The following PLCZ1 variants were observed in gnomAD, a reference collection of about 807,000 sequenced individuals.
PLCZ1 encodes 1-phosphatidylinositol 4,5-bisphosphate phosphodiesterase zeta-1.
PLCZ1 carries 64 observed loss-of-function variants against 76.8 expected under a neutral mutation model. The ratio of observed to expected loss-of-function variants is 0.83; its 90% CI spans 0.68 to 1.03. The LOEUF (loss-of-function observed/expected upper bound fraction) is 1.03. Among genes scored for constraint, PLCZ1 ranks in the 50% least tolerant of loss-of-function variants. PLCZ1 has a pLI of 0.00. For synonymous variants in PLCZ1, 248 were observed against 230.8 expected (o/e 1.07, Z -0.68); for missense variants, 751 against 713.7 (o/e 1.05, Z -0.60).
chr12:18,693,906 A>G, intron 12 of PLCZ1: 19 of 1,528,516 alleles, frequency 1.2e-5, no homozygotes, highest in Non-Finnish European at 1.7e-5. Context: ...CTGGCTGATG[A>G]TGTAACCCTG....
intron 12 of PLCZ1, chr12:18,693,702 C>G: frequency 6.4e-7 from 1 of 1,563,778 alleles, no homozygotes. Flanking sequence ...CAGCGAACAA[C>G]GTTGGAACTG....
At chr12:18,661,271 G>C in the PLCZ1 span, among the ~76,000 whole-genome samples, 13 of 152,066 alleles carry the variant, frequency 8.5e-5, no homozygotes, top group East Asian at 7.8e-4. Context: ...AGTGTGATGA[G>C]ATACAAGAAT....
rs1031639382 is a variant in PLCZ1, at chr12:18,683,183, A to G, written c.*56T>C. On this transcript the variant is annotated 3_prime_UTR_variant, in exon 15 of 15. Coordinates refer to ENST00000266505, the MANE Select transcript of PLCZ1 (RefSeq NM_033123.4). The stretch of plus-strand genomic sequence containing the variant: ...TAAAAAAGAAAACATAAAGACATTC[A>G]TTTTGGCTGTTTTATTGCGATGCAT... 6 of 1,433,868 alleles carry G rather than the reference A, an allele frequency of 4.2e-6. No homozygotes were observed. Among genetic ancestry groups the G allele is most frequent in the African/African-American group, 2.8e-5 (2 of 71,158 alleles). 88.8% of individuals were successfully genotyped at this position (1,433,868 alleles called of 1,614,324 possible). A position where few individuals can be genotyped will look rare whatever the true frequency, so the allele number is the denominator to read the frequency against.
At chr12:18,683,082 T>G (rs991884817), downstream of PLCZ1, 5 of 693,896 alleles carry the variant, frequency 7.2e-6, no homozygotes, top group Admixed American at 2.8e-5. Flanking sequence ...TTTCTTCCAC[T>G]GATTTATTTT....
chr12:18,717,174 A>C (rs2137493304), intron 5 of PLCZ1, among the ~76,000 whole-genome samples: 1 of 152,264 alleles, frequency 6.6e-6, no homozygotes, highest in East Asian at 1.9e-4. Context: ...TTTTTCTTGT[A>C]ATGTAAAAGT....
chr12:18,650,704 G>GTATA, the PLCZ1 span, among the ~76,000 whole-genome samples: 7 of 57,790 alleles, frequency 1.2e-4, no homozygotes, highest in Non-Finnish European at 1.6e-4. Flanking sequence ...GTGTGTGTGT[G>GTATA]TATATATCTA....
chr12:18,661,301 T>C, the PLCZ1 span, among the ~76,000 whole-genome samples: 1 of 151,854 alleles, frequency 6.6e-6, no homozygotes, highest in Admixed American at 6.6e-5. Context: ...CCAAGAAGTT[T>C]AACGAACTCC....
At chr12:18,699,366 G>A (rs750882447) in intron 10 of PLCZ1, among the ~76,000 whole-genome samples, 2 of 152,106 alleles carry the variant, frequency 1.3e-5, no homozygotes, top group Non-Finnish European at 2.9e-5. Flanking sequence ...TCACCCTTTG[G>A]CTGCTATCAG....
At chr12:18,684,077 A>G in intron 14 of PLCZ1, 53 bp downstream of exon 14, 1 of 1,589,296 alleles carries the variant, frequency 6.3e-7, no homozygotes, top group South Asian at 1.1e-5. Context: ...TCTTTGATAT[A>G]CACAAGTTAT....
intron 9 of PLCZ1, 113 bp from the exon 10 acceptor site, chr12:18,700,063 T>C (rs1037463243): frequency 1.1e-6 from 1 of 897,030 alleles, no homozygotes. Context: ...TTTCATAAGA[T>C]TATCTCCTCA....
In PLCZ1 at chr12:18,705,326, A is replaced by G. The variant is rs1262353145; in HGVS notation, c.715-11T>C. On this transcript the variant is annotated splice_polypyrimidine_tract_variant and intron_variant, in intron 6 of 14. Transcript: ENST00000266505. ...TGGGTAGTCAGATGTCTAAAAAAGT[A>G]ACCATTACTATGGTTATTCATCAAA... 1 of 1,613,914 alleles carries G rather than the reference A, an allele frequency of 6.2e-7. No individual in the cohort carries two copies. Among genetic ancestry groups the G allele is most frequent in the African/African-American group, 1.3e-5 (1 of 74,932 alleles).
Position 18,725,299 on chromosome 12 carries a change from A to G in PLCZ1, c.136-1757T>C, listed in dbSNP as rs537725480. 2.6e-4 allele frequency among the ~76,000 whole-genome samples: 40 copies of G among 152,262 alleles called. No individual in the cohort carries two copies. The South Asian group carries it at 8.3e-3, about 32-fold the overall frequency. On this transcript the variant is annotated intron_variant, in intron 3 of 14. Coordinates refer to ENST00000266505, the MANE Select transcript of PLCZ1 (RefSeq NM_033123.4). ...TGATCAAGGGAAGCGGGGAGAAGAAAAGCAATAAGAAAGAAGGTGCAATTT... is the reference window on the plus strand; with the variant it reads ...TGATCAAGGGAAGCGGGGAGAAGAAGAGCAATAAGAAAGAAGGTGCAATTT...
chr12:18,734,072 T>C (rs1049815168), intron 3 of PLCZ1, among the ~76,000 whole-genome samples: 3 of 152,196 alleles, frequency 2.0e-5, no homozygotes, highest in African/African-American at 7.2e-5. Flanking sequence ...TTGGGTAGTA[T>C]GGATATATTA....
the PLCZ1 span, among the ~76,000 whole-genome samples, chr12:18,661,804 A>G: frequency 6.6e-6 from 1 of 152,246 alleles, no homozygotes; most frequent in African/African-American, 2.4e-5. Flanking sequence ...ACCCAAAGGA[A>G]TATAAATTGT....
intron 6 of PLCZ1, among the ~76,000 whole-genome samples, chr12:18,709,691 C>G (rs184811654): frequency 6.6e-6 from 1 of 151,872 alleles, no homozygotes; most frequent in Non-Finnish European, 1.5e-5. Context: ...ACACCAGCCT[C>G]GACAACATAA....
At position 18,684,201 on chromosome 12, in the gene PLCZ1, T is replaced by A. The variant is rs764575794; in HGVS notation, c.1670A>T (p.Glu557Val). Residue 557 changes from glutamate to valine, a missense_variant, in exon 14 of 15, where the codon GAA (glutamate) becomes GTA (valine). Physicochemically the swap from Glu to Val is moderately radical, Grantham distance 121. Coordinates refer to ENST00000266505, the MANE Select transcript of PLCZ1 (RefSeq NM_033123.4). ...PELALIRFVVEGQGLIAGNEF... is the reference protein window; with the variant it reads ...PELALIRFVVVGQGLIAGNEF... ...ATTTCCTGCTATTAAACCTTGACCTTCAACAACAAAACGTATCAATGCCAA... is the reference window on the plus strand; with the variant it reads ...ATTTCCTGCTATTAAACCTTGACCTACAACAACAAAACGTATCAATGCCAA... 13 of 1,612,118 alleles carry A rather than the reference T, an allele frequency of 8.1e-6. No individual in the cohort carries two copies. Among genetic ancestry groups the A allele is most frequent in the African/African-American group, 1.3e-5 (1 of 74,790 alleles).
chr12:18,692,950 G>C, intron 12 of PLCZ1: 1 of 1,499,552 alleles, frequency 6.7e-7, no homozygotes, highest in Non-Finnish European at 9.3e-7. Context: ...CACACTCAGT[G>C]CCAGTTAAAA....
intron 6 of PLCZ1, among the ~76,000 whole-genome samples, chr12:18,708,978 GTTGA>G (rs1478322388): frequency 6.6e-6 from 1 of 152,048 alleles, no homozygotes; most frequent in Non-Finnish European, 1.5e-5. Flanking sequence ...GATTTTGTTG[GTTGA>G]TTGTTTCCTT....
the PLCZ1 span, among the ~76,000 whole-genome samples, chr12:18,653,225 A>G: frequency 6.6e-6 from 1 of 152,170 alleles, no homozygotes; most frequent in South Asian, 2.1e-4. Context: ...TGATTCCCAG[A>G]GGAAATGGAT....
Sources: allele counts gnomAD v4.1 joint callset (sites outside exome capture counted in the v4.1 genomes callset), GRCh38; gene constraint gnomAD v4.1.1; transcripts MANE v1.5; gene names NCBI Gene and HGNC (gene_info 2026-07-23, HGNC 2026-07-21).